Variants in RALGPS2 observed in about 807,000 individuals in gnomAD.
The protein encoded by RALGPS2 is ras-specific guanine nucleotide-releasing factor RalGPS2.
In RALGPS2, 43 loss-of-function variants were observed where a neutral mutation model predicts 86.8. That is an observed-to-expected ratio of 0.50 (90% CI 0.39 to 0.64). The LOEUF (loss-of-function observed/expected upper bound fraction) is 0.64. RALGPS2 is among the 30% of genes least tolerant of loss of function. The probability of loss-of-function intolerance (pLI) is 0.00; values close to 1 mark genes in which losing one functional copy is unlikely to be tolerated. For synonymous variants in RALGPS2, 243 were observed against 231.3 expected (o/e 1.05, Z -0.46); for missense variants, 536 against 694.6 (o/e 0.77, Z 2.57).
chr1:178,865,467 G>T (rs1313237570), intron 8 of RALGPS2: 1 of 1,613,896 alleles, frequency 6.2e-7, no homozygotes, highest in Non-Finnish European at 8.5e-7. Flanking sequence ...TCCACCACCA[G>T]TTGCAGAACA....
chr1:178,791,325 T>TA (rs2102145456), intron 4 of RALGPS2, among the ~76,000 whole-genome samples: 1 of 150,700 alleles, frequency 6.6e-6, no homozygotes, highest in East Asian at 1.9e-4. Flanking sequence ...GACAAGGTCT[T>TA]ACTACGTTGC....
In RALGPS2 at chr1:178,883,484, AC is replaced by A; in HGVS notation, c.857del (p.Pro286GlnfsTer15). The A allele has an allele frequency of 6.2e-7, 1 of 1,612,918 alleles. No individual in the cohort carries two copies. Among genetic ancestry groups the A allele is most frequent in the Non-Finnish European group, 8.5e-7 (1 of 1,178,908 alleles). On this transcript the variant is annotated frameshift_variant, in exon 11 of 20. Transcript: ENST00000367635. LOFTEE classifies it high-confidence loss of function. ...DNYKLSLKIE[P>X]GTSTPRSAAS... ...AATTCAGGCTTTCATTAAAGATAGA[AC>A]CAGGGACAAGCACCCCACGTTCTGC...
chr1:178,785,734 C>T, intron 4 of RALGPS2, 127 bp downstream of exon 4: 2 of 1,243,504 alleles, frequency 1.6e-6, no homozygotes, highest in South Asian at 1.8e-5. Context: ...TGTAACTTAT[C>T]TACATACTGT....
intron 8 of RALGPS2, among the ~76,000 whole-genome samples, chr1:178,863,855 C>T (rs1327921255): frequency 6.6e-6 from 1 of 152,184 alleles, no homozygotes; most frequent in East Asian, 1.9e-4. Flanking sequence ...TATTCACTGA[C>T]AGAGAGATGA....
At chr1:178,847,551 G>C (rs1303557844) in intron 8 of RALGPS2, among the ~76,000 whole-genome samples, 1 of 151,998 alleles carries the variant, frequency 6.6e-6, no homozygotes, top group Non-Finnish European at 1.5e-5. Flanking sequence ...TTTCTTACTT[G>C]GTTATTTTTC....
chr1:178,840,698 A>G (rs547527232), intron 8 of RALGPS2, among the ~76,000 whole-genome samples: 1 of 152,314 alleles, frequency 6.6e-6, no homozygotes, highest in South Asian at 2.1e-4. Context: ...AAGAAAATCC[A>G]TGAATCCAGG....
intron 7 of RALGPS2, among the ~76,000 whole-genome samples, chr1:178,824,962 G>C (rs752032217): frequency 6.6e-6 from 1 of 152,112 alleles, no homozygotes; most frequent in Non-Finnish European, 1.5e-5. Flanking sequence ...AAAAAGCAAG[G>C]TCTTTAGTTA....
At chr1:178,762,691 G>C (rs1057374596) in intron 1 of RALGPS2, among the ~76,000 whole-genome samples, 3 of 152,082 alleles carry the variant, frequency 2.0e-5, no homozygotes, top group Admixed American at 6.6e-5. Flanking sequence ...CCACTTTTTA[G>C]TGGGGTTGTT....
intron 13 of RALGPS2, among the ~76,000 whole-genome samples, chr1:178,887,088 T>C (rs1346245309): frequency 6.6e-6 from 1 of 152,160 alleles, no homozygotes; most frequent in African/African-American, 2.4e-5. Flanking sequence ...GAGGGATTTG[T>C]TTGTTTTTAC....
At chr1:178,786,273 T>A (rs1290659112) in intron 4 of RALGPS2, among the ~76,000 whole-genome samples, 1 of 152,090 alleles carries the variant, frequency 6.6e-6, no homozygotes, top group African/African-American at 2.4e-5. Flanking sequence ...GGAAATAGAC[T>A]TAGGGAAGTT....
chr1:178,760,979 C>CTTTATTT (rs1652209049), intron 1 of RALGPS2, among the ~76,000 whole-genome samples: 1 of 138,094 alleles, frequency 7.2e-6, no homozygotes. Flanking sequence ...AGACTTTATT[C>CTTTATTT]TTTTTTTTTT....
In RALGPS2 at chr1:178,848,835, G is replaced by A. The variant is rs575206317; in HGVS notation, c.607+15285G>A. On this transcript the variant is annotated intron_variant, in intron 8 of 19. Coordinates refer to ENST00000367635, the MANE Select transcript of RALGPS2 (RefSeq NM_152663.5). ...AGTAGAGATGGGGTTTCACCATGTC[G>A]GCCAGGCTGGTCTCAAACTCCTGAG... is the stretch of plus-strand genomic sequence containing the variant. 2.6e-4 allele frequency among the ~76,000 whole-genome samples: 40 copies of A among 152,112 alleles called. No individual in the cohort carries two copies. The Middle Eastern group carries it at 0.01, about 39-fold the overall frequency.
At chr1:178,827,698 ACT>A (rs989084630) in intron 7 of RALGPS2, among the ~76,000 whole-genome samples, 2 of 152,068 alleles carry the variant, frequency 1.3e-5, no homozygotes, top group Non-Finnish European at 2.9e-5. Flanking sequence ...CCCGGCCCAT[ACT>A]CTCTGATTTT....
chr1:178,811,241 A>G, intron 5 of RALGPS2, 74 bp from the exon 6 acceptor site: 1 of 1,239,484 alleles, frequency 8.1e-7, no homozygotes, highest in Non-Finnish European at 1.1e-6. Context: ...TTCTGCCAAA[A>G]TTTTTTAAAA....
At chr1:178,791,816 C>A (rs1344315911) in intron 4 of RALGPS2, among the ~76,000 whole-genome samples, 1 of 152,086 alleles carries the variant, frequency 6.6e-6, no homozygotes, top group Non-Finnish European at 1.5e-5. Context: ...ATAAGAGGTA[C>A]AGTTGTTTGC....
chr1:178,789,202 C>T (rs975348788), intron 4 of RALGPS2, among the ~76,000 whole-genome samples: 2 of 152,176 alleles, frequency 1.3e-5, no homozygotes, highest in Admixed American at 6.6e-5. Flanking sequence ...CCACTGTGCC[C>T]GGCCTTAAGC....
intron 7 of RALGPS2, among the ~76,000 whole-genome samples, chr1:178,826,896 A>G (rs542944199): frequency 6.6e-6 from 1 of 152,336 alleles, no homozygotes; most frequent in South Asian, 2.1e-4. Context: ...AGTCATTAAC[A>G]AAGAACTAAA....
intron 1 of RALGPS2, among the ~76,000 whole-genome samples, chr1:178,746,266 A>G (rs1221364069): frequency 6.6e-6 from 1 of 152,248 alleles, no homozygotes; most frequent in Non-Finnish European, 1.5e-5. Context: ...TGAAATCTGC[A>G]AAATATTTGA....
At chr1:178,822,391 A>G (rs559409303) in intron 7 of RALGPS2, among the ~76,000 whole-genome samples, 7 of 152,172 alleles carry the variant, frequency 4.6e-5, no homozygotes, top group East Asian at 1.9e-4. Flanking sequence ...ATTCAATACT[A>G]TTCTTTAATG....
Sources: gnomAD v4.1 joint callset for allele counts (sites outside exome capture counted in the v4.1 genomes callset) on GRCh38, gnomAD v4.1.1 for gene constraint, MANE v1.5 for transcripts, NCBI Gene and HGNC (gene_info 2026-07-23, HGNC 2026-07-21) for gene names.